Variants in ZNF841 observed in about 807,000 individuals in gnomAD.
ZNF841 encodes zinc finger protein 841.
Under a neutral mutation model 13.0 loss-of-function variants are expected in ZNF841, and 11 were observed. The observed-to-expected ratio is 0.85, with a 90% CI of 0.53 to 1.40. ZNF841 has a LOEUF of 1.40. ZNF841 is among the 40% of genes most tolerant of loss of function. ZNF841 has a pLI of 0.00. For missense variants in ZNF841, 1,068 were observed against 1,139.5 expected (o/e 0.94, Z 0.90); for synonymous variants, 369 against 381.6 (o/e 0.97, Z 0.38).
chr19:52,080,599 G>A (rs1157762910), intron 4 of ZNF841, among the ~76,000 whole-genome samples: 1 of 152,094 alleles, frequency 6.6e-6, no homozygotes, highest in East Asian at 1.9e-4. Flanking sequence ...GAAAGGTTAG[G>A]GGCCACTGAG....
chr19:52,058,898 C>CA, the ZNF841 span: 1 of 153,248 alleles, frequency 6.5e-6, no homozygotes, highest in African/African-American at 2.4e-5. Flanking sequence ...GCCTGGGTGA[C>CA]AGAGACTCTG....
downstream of ZNF841, among the ~76,000 whole-genome samples, chr19:52,061,536 TC>T (rs954185036): frequency 1.1e-4 from 16 of 151,354 alleles, no homozygotes; most frequent in African/African-American, 3.9e-4. Flanking sequence ...TTATAGATGA[TC>T]CCCCCCACTC....
At chr19:52,087,933 C>A (rs61018170) in intron 3 of ZNF841, among the ~76,000 whole-genome samples, 31,970 of 151,634 alleles carry the variant, frequency 0.21, 4,695 homozygotes, top group African/African-American at 0.41. Context: ...TGCACACATG[C>A]CCCAATGAGA....
chr19:52,068,634 C>T (rs1600081304), intron 6 of ZNF841, among the ~76,000 whole-genome samples: 1 of 150,612 alleles, frequency 6.6e-6, no homozygotes, highest in East Asian at 1.9e-4. Context: ...CAAGATTTCG[C>T]CACTGCACTC....
At position 52,088,039 on chromosome 19, in the gene ZNF841, C is replaced by CA. The variant is rs201567770; in HGVS notation, c.-78+897dup. Among the ~76,000 whole-genome samples, 424 of 121,430 alleles carry CA rather than the reference C, an allele frequency of 3.5e-3. 1 individual carries two copies. The highest frequency in any genetic ancestry group is 5.7e-3 in the African/African-American group (198 of 34,876). The allele number at this position is 121,430 out of a possible 152,430, so 79.7% of individuals were successfully genotyped here. ...TCTTAACGTGCAGCCCAAAATACTCCAAAAAAAAAAAAAAAAACAAAGGTA... is the reference window on the plus strand; with the variant it reads ...TCTTAACGTGCAGCCCAAAATACTCCAAAAAAAAAAAAAAAAAACAAAGGTA... On this transcript the variant is annotated intron_variant, in intron 3 of 6. Transcript: ENST00000594440.
chr19:52,084,083 C>G (rs1364557571), intron 4 of ZNF841, among the ~76,000 whole-genome samples: 2 of 152,000 alleles, frequency 1.3e-5, no homozygotes, highest in African/African-American at 4.8e-5. Context: ...GCTCTTACAT[C>G]TGAGCAAAAT....
the ZNF841 span, chr19:52,058,651 ACTG>A: frequency 1.4e-4 from 21 of 152,922 alleles, no homozygotes; most frequent in African/African-American, 4.6e-4. Context: ...CTTCCGAAAT[ACTG>A]CTTAGACAAA....
At chr19:52,064,389 A>AAC (rs2087471119), downstream of ZNF841, 1 of 145,348 alleles carries the variant, frequency 6.9e-6, no homozygotes, top group East Asian at 2.0e-4. Flanking sequence ...AAAAAAAAAA[A>AAC]CTTAGCTATA....
chr19:52,084,975 A>T, intron 3 of ZNF841, 97 bp from the exon 4 acceptor site: 1 of 640,596 alleles, frequency 1.6e-6, no homozygotes, highest in East Asian at 2.9e-5. Context: ...ATGTGGAGAG[A>T]CAGCCCAGTG....
At chr19:52,075,736 G>A (rs1600089771) in intron 6 of ZNF841, among the ~76,000 whole-genome samples, 1 of 152,174 alleles carries the variant, frequency 6.6e-6, no homozygotes, top group East Asian at 1.9e-4. Context: ...GACCACACGG[G>A]AAAGAGACTT....
intron 4 of ZNF841, among the ~76,000 whole-genome samples, chr19:52,084,122 G>A (rs1193007573): frequency 1.3e-5 from 2 of 152,010 alleles, no homozygotes; most frequent in African/African-American, 2.4e-5. Context: ...AACAACTGCC[G>A]GTAAGAGTCC....
At chr19:52,072,457 AAATCGTAAAGCAT>A (rs1335722572) in intron 6 of ZNF841, among the ~76,000 whole-genome samples, 21 of 152,372 alleles carry the variant, frequency 1.4e-4, no homozygotes, top group Non-Finnish European at 2.6e-4. Flanking sequence ...TTAAAGACTA[AAATCGTAAAGCAT>A]AACTTATCCC....
Position 52,067,226 on chromosome 19 carries a change from A to G in ZNF841, c.656T>C (p.Leu219Ser). ...AAAAATTCTTTGAAGTGGTGAAGCT[A>G]AAAAACAATTATTAACTGTCCTCTC... is the stretch of plus-strand genomic sequence containing the variant. ...QIERTVNNCF[L>S]ASPLQRIFPG... Residue 219 changes from leucine to serine, a missense_variant, in exon 7 of 7, where the codon TTA (leucine) becomes TCA (serine). Physicochemically the swap from Leu to Ser is moderately radical, Grantham distance 145. Transcript: ENST00000594440. 1 of 1,549,474 alleles carries G rather than the reference A, an allele frequency of 6.5e-7. No homozygotes were observed. Among genetic ancestry groups the G allele is most frequent in the Non-Finnish European group, 8.7e-7 (1 of 1,146,292 alleles).
chr19:52,077,157 G>T, intron 4 of ZNF841, 73 bp from the exon 5 acceptor site: 1 of 1,462,908 alleles, frequency 6.8e-7, no homozygotes, highest in East Asian at 2.4e-5. Context: ...GAAGAGGAGA[G>T]AACTGTCACA....
At chr19:52,084,482 G>C (rs1460687623) in intron 4 of ZNF841, among the ~76,000 whole-genome samples, 1 of 152,114 alleles carries the variant, frequency 6.6e-6, no homozygotes, top group Non-Finnish European at 1.5e-5. Context: ...TTCAGATGTT[G>C]CCCCTAAACA....
chr19:52,077,689 G>A (rs2087950364), intron 4 of ZNF841, among the ~76,000 whole-genome samples: 1 of 152,220 alleles, frequency 6.6e-6, no homozygotes. Flanking sequence ...GAACCCAGAT[G>A]TCTAAAAATT....
At chr19:52,083,034 T>G (rs113575245) in intron 4 of ZNF841, among the ~76,000 whole-genome samples, 31,570 of 150,568 alleles carry the variant, frequency 0.21, 4,586 homozygotes, top group African/African-American at 0.4. Flanking sequence ...GAGCTGAGAT[T>G]GCGTCACTGC....
intron 4 of ZNF841, among the ~76,000 whole-genome samples, chr19:52,081,801 C>T (rs1469325070): frequency 2.0e-5 from 3 of 152,134 alleles, no homozygotes; most frequent in African/African-American, 7.2e-5. Context: ...ATACAGTGAT[C>T]CAAGATCGTG....
chr19:52,069,733 C>T (rs1190909006), intron 6 of ZNF841, among the ~76,000 whole-genome samples: 1 of 152,116 alleles, frequency 6.6e-6, no homozygotes, highest in Non-Finnish European at 1.5e-5. Flanking sequence ...CCATGGCACA[C>T]CAGAAAAAAG....
Sources: gnomAD v4.1 joint callset for allele counts (sites outside exome capture counted in the v4.1 genomes callset) on GRCh38, gnomAD v4.1.1 for gene constraint, MANE v1.5 for transcripts, NCBI Gene and HGNC (gene_info 2026-07-23, HGNC 2026-07-21) for gene names.